LEKR1: variants seen among roughly 807,000 people sequenced by gnomAD.
The protein encoded by LEKR1 is leucine, glutamate and lysine rich 1.
A neutral mutation model predicts 72.4 loss-of-function variants in LEKR1; 59 were observed. That is an observed-to-expected ratio of 0.82 (90% CI 0.66 to 1.01). The LOEUF is 1.01. Among genes scored for constraint, LEKR1 ranks in the 50% least tolerant of loss-of-function variants. LEKR1 has a pLI of 0.00. For synonymous variants in LEKR1, 257 were observed against 263.2 expected (o/e 0.98, Z 0.23); for missense variants, 728 against 759.2 (o/e 0.96, Z 0.48).
intron 6 of LEKR1, among the ~76,000 whole-genome samples, chr3:156,973,744 C>A (rs1483387822): frequency 1.3e-5 from 2 of 152,020 alleles, no homozygotes; most frequent in Non-Finnish European, 2.9e-5. Context: ...AAAGGAGAGT[C>A]ATGAATGGCC....
At chr3:156,928,182 C>T (rs1724901181) in intron 5 of LEKR1, among the ~76,000 whole-genome samples, 1 of 151,950 alleles carries the variant, frequency 6.6e-6, no homozygotes, top group Admixed American at 6.6e-5. Flanking sequence ...ATTTTTAGGG[C>T]AGTGAAACTA....
intron 9 of LEKR1, among the ~76,000 whole-genome samples, chr3:156,998,027 G>A (rs753255968): frequency 6.6e-6 from 1 of 152,098 alleles, no homozygotes; most frequent in Non-Finnish European, 1.5e-5. Flanking sequence ...TGGTGAAAGG[G>A]GTTTCCTTTA....
intron 3 of LEKR1, among the ~76,000 whole-genome samples, chr3:156,918,943 C>G (rs537055463): frequency 6.6e-6 from 1 of 152,060 alleles, no homozygotes; most frequent in African/African-American, 2.4e-5. Flanking sequence ...ACGGCCTCAT[C>G]GGAGGTGTTT....
At chr3:157,027,729 G>A (rs1217665658) in intron 11 of LEKR1, among the ~76,000 whole-genome samples, 2 of 152,066 alleles carry the variant, frequency 1.3e-5, no homozygotes, top group African/African-American at 4.8e-5. Flanking sequence ...TGGTAGGATC[G>A]TTTGAGCGCA....
chr3:156,859,698 A>G (rs1032995827), intron 3 of LEKR1, among the ~76,000 whole-genome samples: 2 of 152,204 alleles, frequency 1.3e-5, no homozygotes, highest in African/African-American at 2.4e-5. Context: ...CAGAATACAG[A>G]ATAGTTTCAT....
At chr3:156,953,629 T>C (rs540292676) in intron 6 of LEKR1, among the ~76,000 whole-genome samples, 3 of 151,968 alleles carry the variant, frequency 2.0e-5, no homozygotes, top group Non-Finnish European at 2.9e-5. Flanking sequence ...TTTGGTTTTC[T>C]GTTCCTGTGT....
chr3:156,835,863 CTTTTTTTTTT>C (rs59061418), intron 2 of LEKR1, among the ~76,000 whole-genome samples: 4 of 55,510 alleles, frequency 7.2e-5, no homozygotes, highest in African/African-American at 2.0e-4. Context: ...CTCTGTCTCA[CTTTTTTTTTT>C]TTTTTTTTTT....
chr3:156,846,078 A>AAT lies in LEKR1; in HGVS notation c.49-6679_49-6678dup, dbSNP rs1184987176. Among the ~76,000 whole-genome samples, 6 of 151,934 alleles carry AAT rather than the reference A, an allele frequency of 3.9e-5. 1 individual carries two copies. Among genetic ancestry groups the AAT allele is most frequent in the South Asian group, 4.2e-4 (2 of 4,812 alleles). On this transcript the variant is annotated intron_variant, in intron 2 of 12. Coordinates refer to ENST00000356539, the MANE Select transcript of LEKR1 (RefSeq NM_001004316.3). ...TATTTAATTTTTTGGAGCAGTTGTA[A>AAT]ATATATATATATGTATGTATTGTAT...
intron 6 of LEKR1, among the ~76,000 whole-genome samples, chr3:156,952,635 C>G (rs929106968): frequency 6.6e-6 from 1 of 151,420 alleles, no homozygotes; most frequent in South Asian, 2.1e-4. Flanking sequence ...TACAATTACT[C>G]TAGAGACTAG....
At chr3:156,897,458 G>T (rs895727497) in intron 3 of LEKR1, among the ~76,000 whole-genome samples, 1 of 152,016 alleles carries the variant, frequency 6.6e-6, no homozygotes, top group African/African-American at 2.4e-5. Context: ...ATACATTTTA[G>T]GGAGGCATGA....
chr3:156,936,267 C>T (rs2108578788), intron 5 of LEKR1, among the ~76,000 whole-genome samples: 1 of 152,214 alleles, frequency 6.6e-6, no homozygotes, highest in African/African-American at 2.4e-5. Context: ...TATGTCTGCA[C>T]TCAACCACAC....
intron 2 of LEKR1, among the ~76,000 whole-genome samples, chr3:156,833,852 G>A (rs1430913032): frequency 6.6e-6 from 1 of 150,456 alleles, no homozygotes; most frequent in Non-Finnish European, 1.5e-5. Flanking sequence ...AACCTAAACA[G>A]CATACCCAAT....
chr3:157,010,745 T>G (rs1732824823), intron 9 of LEKR1, among the ~76,000 whole-genome samples: 1 of 152,074 alleles, frequency 6.6e-6, no homozygotes, highest in Non-Finnish European at 1.5e-5. Flanking sequence ...AATTCTCTCT[T>G]TAATTTCCTC....
intron 4 of LEKR1, chr3:156,920,960 G>A (rs1267901372): frequency 1.9e-5 from 4 of 206,026 alleles, no homozygotes; most frequent in East Asian, 1.2e-4. Flanking sequence ...ATGAAAGCAC[G>A]GTAACTAATT....
At chr3:156,895,280 A>G (rs1297066194) in intron 3 of LEKR1, among the ~76,000 whole-genome samples, 1 of 152,230 alleles carries the variant, frequency 6.6e-6, no homozygotes, top group Non-Finnish European at 1.5e-5. Context: ...AACACATGAG[A>G]AAAAGCTCAA....
At chr3:156,943,546 G>A (rs948521686) in intron 6 of LEKR1, among the ~76,000 whole-genome samples, 2 of 151,922 alleles carry the variant, frequency 1.3e-5, no homozygotes, top group African/African-American at 2.4e-5. Context: ...AAATGGCAGA[G>A]AGTAAAAGCA....
intron 6 of LEKR1, among the ~76,000 whole-genome samples, chr3:156,972,701 AATATT>A (rs1487437802): frequency 1.4e-5 from 2 of 142,710 alleles, no homozygotes; most frequent in Non-Finnish European, 3.0e-5. Context: ...CAGATAAAAT[AATATT>A]ATATTTTAAT....
At chr3:157,026,590 T>G (rs1264438140) in intron 11 of LEKR1, among the ~76,000 whole-genome samples, 1 of 152,214 alleles carries the variant, frequency 6.6e-6, no homozygotes, top group African/African-American at 2.4e-5. Flanking sequence ...ATTTATAAAA[T>G]TATGAACTAT....
chr3:156,984,096 T>TC (rs1443683142), intron 7 of LEKR1, among the ~76,000 whole-genome samples: 1 of 152,196 alleles, frequency 6.6e-6, no homozygotes, highest in Non-Finnish European at 1.5e-5. Context: ...TATTAGGAAT[T>TC]CGGGAGATTA....
Sources: allele counts gnomAD v4.1 joint callset (sites outside exome capture counted in the v4.1 genomes callset), GRCh38; gene constraint gnomAD v4.1.1; transcripts MANE v1.5; gene names NCBI Gene and HGNC (gene_info 2026-07-23, HGNC 2026-07-21).